HEATR5B: variants seen among roughly 807,000 people sequenced by gnomAD.
HEATR5B encodes HEAT repeat-containing protein 5B.
In HEATR5B, 156 loss-of-function variants were observed where a neutral mutation model predicts 224.1. The observed-to-expected ratio is 0.70, with a 90% CI of 0.61 to 0.80. HEATR5B has a LOEUF of 0.80. Among genes scored for constraint, HEATR5B ranks in the 30% least tolerant of loss-of-function variants. The pLI is 0.00. For synonymous variants in HEATR5B, 1,027 were observed against 893.0 expected (o/e 1.15, Z -2.68); for missense variants, 2,323 against 2,535.5 (o/e 0.92, Z 1.80).
chr2:37,008,629 T>C lies in HEATR5B; in HGVS notation c.4504A>G (p.Ser1502Gly). The change falls in exon 28 of 36, where the codon AGT (serine) becomes GGT (glycine). Residue 1502 changes from serine (S) to glycine (G), a missense_variant. This residue lies in a region of HEATR5B where 844 missense variants were observed against 812.9 expected (regional missense o/e 1.04). Coordinates refer to ENST00000233099, the MANE Select transcript of HEATR5B (RefSeq NM_019024.3). ...ALLTLPAEFS[S>G]QLPPDGGAFY... is the part of the protein sequence containing the mutation. Reference sequence around the variant, plus strand: ...TACTCACCATCTGGAGGAAGCTGACTAGAAAATTCGGCTGGTAAAGTCAAG... The same window carrying C: ...TACTCACCATCTGGAGGAAGCTGACCAGAAAATTCGGCTGGTAAAGTCAAG... 6.2e-7 allele frequency: 1 copy of C among 1,613,150 alleles called. No homozygotes were observed. The highest frequency in any genetic ancestry group is 8.5e-7 in the Non-Finnish European group (1 of 1,179,100).
In HEATR5B at chr2:37,079,252, C is replaced by T. The variant is rs768615339; in HGVS notation, c.206G>A (p.Arg69Gln). Residue 69 changes from arginine (R) to glutamine (Q), a missense_variant, in exon 3 of 36, where the codon CGA becomes CAA. Around this residue, in one of 12 missense-constraint regions of HEATR5B, gnomAD observed 292 missense variants for 332.6 expected, o/e 0.88. Coordinates refer to ENST00000233099, the MANE Select transcript of HEATR5B (RefSeq NM_019024.3). ...LISSSPGPPT[R>Q]KLLAKNLAAL... is the part of the protein sequence containing the mutation. ...TGCGAGATTTTTAGCTAATAATTTT[C>T]GTGTAGGTGGTCCAGGTGAACTACT... 10 of 1,612,426 alleles carry T rather than the reference C, an allele frequency of 6.2e-6. No homozygotes were observed. Among genetic ancestry groups the T allele is most frequent in the Admixed American group, 1.7e-5 (1 of 59,972 alleles).
rs1251560439 is a variant in HEATR5B, at chr2:37,032,639, G to T, written c.3351C>A (p.Ser1117Arg). 6.2e-7 allele frequency: 1 copy of T among 1,612,014 alleles called. No homozygotes were observed. The highest frequency in any genetic ancestry group is 1.1e-5 in the South Asian group (1 of 90,448). Residue 1117 changes from serine (S) to arginine (R), a missense_variant, in exon 22 of 36, where the codon AGC becomes AGA. Physicochemically the swap from Ser to Arg is moderately radical, Grantham distance 110. Around this residue, in one of 12 missense-constraint regions of HEATR5B, gnomAD observed 339 missense variants for 378.4 expected, o/e 0.90. Transcript: ENST00000233099. ...AATAATATAACTTACTGGCACTACT[G>T]CTCTCTTTGTCCCCTGTATTTTTTG... ...SLAKNTGDKE[S>R]SSANVSPFAP...
intron 24 of HEATR5B, 123 bp downstream of exon 24, chr2:37,027,800 T>C: frequency 1.0e-6 from 1 of 967,596 alleles, no homozygotes; most frequent in Non-Finnish European, 1.6e-6. Flanking sequence ...GCAAGAGAAC[T>C]TACAATAAAT....
Position 36,981,339 on chromosome 2 carries a change from G to A in HEATR5B, c.*151C>T, listed in dbSNP as rs1665568704. ...ATCACTCCTTAAAAATCAATAAGTGGTGTGAGCATTATTTCACTTAACCTA... is the reference window on the plus strand; with the variant it reads ...ATCACTCCTTAAAAATCAATAAGTGATGTGAGCATTATTTCACTTAACCTA... On this transcript the variant is annotated 3_prime_UTR_variant, in exon 36 of 36. Coordinates refer to ENST00000233099, the MANE Select transcript of HEATR5B (RefSeq NM_019024.3). 3 of 493,776 alleles carry A rather than the reference G, an allele frequency of 6.1e-6. No individual in the cohort carries two copies. The highest frequency in any genetic ancestry group is 2.0e-5 in the African/African-American group (1 of 50,312). 30.6% of individuals were successfully genotyped at this position (493,776 alleles called of 1,614,324 possible).
intron 24 of HEATR5B, among the ~76,000 whole-genome samples, chr2:37,025,922 G>A (rs1359254605): frequency 2.0e-5 from 3 of 152,076 alleles, no homozygotes; most frequent in Non-Finnish European, 4.4e-5. Flanking sequence ...TAATAAACCA[G>A]TGTAGTAGGC....
chr2:37,069,994 T>A (rs972104603), intron 7 of HEATR5B, among the ~76,000 whole-genome samples: 3 of 151,518 alleles, frequency 2.0e-5, no homozygotes, highest in Non-Finnish European at 2.9e-5. Context: ...ACCTCCCTAG[T>A]TGAAGCGATT....
intron 15 of HEATR5B, among the ~76,000 whole-genome samples, 184 bp from the exon 16 acceptor site, chr2:37,056,799 C>T (rs192826646): frequency 2.0e-3 from 304 of 152,228 alleles, no homozygotes; most frequent in Non-Finnish European, 3.4e-3. Flanking sequence ...TCAGTAACAC[C>T]TTATACAAAT....
intron 1 of HEATR5B, 130 bp from the exon 2 acceptor site, chr2:37,083,566 GC>G (rs1367009708): frequency 3.1e-6 from 2 of 647,038 alleles, no homozygotes; most frequent in East Asian, 5.7e-5. Flanking sequence ...CTTCTTTGAG[GC>G]AAAACCTGAG....
chr2:37,064,353 C>T (rs981368868), intron 10 of HEATR5B, among the ~76,000 whole-genome samples: 62 of 140,428 alleles, frequency 4.4e-4, no homozygotes, highest in Non-Finnish European at 7.1e-4. Flanking sequence ...GTGGCATGTT[C>T]ATAGCTCACT....
chr2:37,039,496 C>T (rs1470183584), intron 20 of HEATR5B, among the ~76,000 whole-genome samples: 2 of 152,054 alleles, frequency 1.3e-5, no homozygotes, highest in Admixed American at 6.6e-5. Flanking sequence ...TTGATCTGGG[C>T]TTCACTTCTT....
intron 33 of HEATR5B, 144 bp from the exon 34 acceptor site, chr2:36,990,943 G>A: frequency 1.7e-6 from 1 of 592,786 alleles, no homozygotes; most frequent in Non-Finnish European, 2.8e-6. Context: ...TCCTGCCTTG[G>A]CCTCCCAAAG....
At position 37,000,821 on chromosome 2, in the gene HEATR5B, A is replaced by G. The variant is rs1217418987; in HGVS notation, c.5318-8T>C. The G allele has an allele frequency of 1.3e-6, 2 of 1,575,420 alleles. No homozygotes were observed. The highest frequency in any genetic ancestry group is 8.7e-7 in the Non-Finnish European group (1 of 1,145,182). The stretch of plus-strand genomic sequence containing the variant: ...GCAGGATTGTCATACATCCTGAAAG[A>G]AAAACAAATCAGATCACCTCATAAC... On this transcript the variant is annotated splice_region_variant and splice_polypyrimidine_tract_variant and intron_variant, in intron 32 of 35. Coordinates refer to ENST00000233099, the MANE Select transcript of HEATR5B (RefSeq NM_019024.3).
intron 24 of HEATR5B, among the ~76,000 whole-genome samples, chr2:37,024,996 G>A (rs564328370): frequency 2.6e-5 from 4 of 152,288 alleles, no homozygotes; most frequent in African/African-American, 9.6e-5. Context: ...ATAATTCGGT[G>A]GTGTATTATA....
intron 14 of HEATR5B, 88 bp downstream of exon 14, chr2:37,058,363 C>T: frequency 1.3e-6 from 1 of 746,074 alleles, no homozygotes; most frequent in Non-Finnish European, 2.4e-6. Flanking sequence ...CACAGTAAGT[C>T]AGTGGGAGAG....
At chr2:37,071,100 C>G (rs929559869) in intron 6 of HEATR5B, among the ~76,000 whole-genome samples, 1 of 152,062 alleles carries the variant, frequency 6.6e-6, no homozygotes, top group African/African-American at 2.4e-5. Flanking sequence ...TAATTCAGTG[C>G]CTGGCACATA....
At chr2:36,995,850 C>A (rs747410283) in intron 33 of HEATR5B, among the ~76,000 whole-genome samples, 2 of 152,028 alleles carry the variant, frequency 1.3e-5, no homozygotes, top group Non-Finnish European at 2.9e-5. Context: ...TGATAAATAA[C>A]CTTGAACATA....
intron 23 of HEATR5B, among the ~76,000 whole-genome samples, chr2:37,028,397 C>T (rs1668914226): frequency 6.6e-6 from 1 of 151,970 alleles, no homozygotes. Flanking sequence ...AATAGTTTTA[C>T]ATACTATGTC....
At chr2:37,061,877 T>C in intron 11 of HEATR5B, 62 bp downstream of exon 11, 1 of 908,378 alleles carries the variant, frequency 1.1e-6, no homozygotes, top group South Asian at 1.5e-5. Context: ...TTAAATTAAA[T>C]TTGCTTTACA....
At chr2:37,020,916 A>G in intron 24 of HEATR5B, 80 bp from the exon 25 acceptor site, 1 of 825,808 alleles carries the variant, frequency 1.2e-6, no homozygotes, top group East Asian at 2.9e-5. Context: ...AATGAAATAA[A>G]TTTTTGATAA....
Sources: allele counts gnomAD v4.1 joint callset (sites outside exome capture counted in the v4.1 genomes callset), GRCh38; gene constraint gnomAD v4.1.1; regional missense constraint gnomAD v4.1.1; transcripts MANE v1.5; gene names NCBI Gene and HGNC (gene_info 2026-07-23, HGNC 2026-07-21).